ASXL3: variants seen among roughly 807,000 people sequenced by gnomAD.
ASXL3 encodes the protein ASXL transcriptional regulator 3.
ASXL3 carries 34 observed loss-of-function variants against 170.6 expected under a neutral mutation model. The observed-to-expected ratio is 0.20, with a 90% CI of 0.15 to 0.27. The LOEUF (loss-of-function observed/expected upper bound fraction) is 0.27. Ranked by LOEUF, ASXL3 falls within the 10% of genes least tolerant of loss-of-function variation. The pLI is 1.00. For synonymous variants in ASXL3, 1,002 were observed against 989.1 expected, an observed-to-expected ratio of 1.01 and a Z score of -0.24; for missense variants, 2,592 against 2,695.3, an observed-to-expected ratio of 0.96 and a Z score of 0.85.
chr18:33,722,688 T>C (rs900837337), intron 8 of ASXL3, among the ~76,000 whole-genome samples: 2 of 152,162 alleles, frequency 1.3e-5, no homozygotes, highest in African/African-American at 4.8e-5. Flanking sequence ...CAGCAAGTTA[T>C]TCAGAAGACC....
intron 7 of ASXL3, among the ~76,000 whole-genome samples, chr18:33,674,049 G>A (rs10048235): frequency 0.58 from 87,611 of 152,028 alleles, 25,916 homozygotes; most frequent in East Asian, 0.89. Flanking sequence ...TTTTACTTCA[G>A]TTTTGTACAG....
chr18:33,683,333 T>G, intron 7 of ASXL3, 72 bp from the exon 8 acceptor site: 1 of 1,295,214 alleles, frequency 7.7e-7, no homozygotes. Context: ...TATGTGGCTG[T>G]GTTTGTGTGT....
At chr18:33,667,926 A>G (rs2145247639) in intron 5 of ASXL3, among the ~76,000 whole-genome samples, 1 of 152,352 alleles carries the variant, frequency 6.6e-6, no homozygotes, top group African/African-American at 2.4e-5. Context: ...AGGATAAGTT[A>G]TATAAATAAC....
At chr18:33,594,720 T>C (rs1279787904) in intron 1 of ASXL3, among the ~76,000 whole-genome samples, 1 of 152,096 alleles carries the variant, frequency 6.6e-6, no homozygotes, top group African/African-American at 2.4e-5. Context: ...ATATTTGCCC[T>C]GAATTCGTTT....
intron 8 of ASXL3, among the ~76,000 whole-genome samples, chr18:33,717,915 C>G (rs2067191941): frequency 6.6e-6 from 1 of 152,082 alleles, no homozygotes. Context: ...GGTTGTGTAA[C>G]AGTAACGTAA....
At position 33,746,181 on chromosome 18, in the gene ASXL3, G is replaced by C; in HGVS notation, c.6333G>C (p.Gln2111His). 1 of 1,613,868 alleles carries C rather than the reference G, an allele frequency of 6.2e-7. No homozygotes were observed. Among genetic ancestry groups the C allele is most frequent in the Non-Finnish European group, 8.5e-7 (1 of 1,179,888 alleles). Reference sequence around the variant, plus strand: ...ATGACCAGAATGAAATGAAAGAACAGTTAAAAGCATTCGCGCTAAAAAGTG... The same window carrying C: ...ATGACCAGAATGAAATGAAAGAACACTTAAAAGCATTCGCGCTAAAAAGTG... ...VSYDQNEMKE[Q>H]LKAFALKSAD... is the part of the protein sequence containing the mutation. Residue 2111 changes from glutamine (Q) to histidine (H), a missense_variant, in exon 12 of 12, where the codon CAG (glutamine) becomes CAC (histidine). Physicochemically the swap from Gln to His is conservative, Grantham distance 24. Around this residue, in one of 4 missense-constraint regions of ASXL3, gnomAD observed 2,246 missense variants for 2,219.6 expected, o/e 1.01. Coordinates refer to ENST00000269197, the MANE Select transcript of ASXL3 (RefSeq NM_030632.3).
At chr18:33,595,088 T>G (rs2065113609) in intron 1 of ASXL3, among the ~76,000 whole-genome samples, 1 of 152,182 alleles carries the variant, frequency 6.6e-6, no homozygotes, top group Non-Finnish European at 1.5e-5. Context: ...GGATACCTGC[T>G]TCATATTTTT....
chr18:33,579,814 G>A (rs577899200), intron 1 of ASXL3, among the ~76,000 whole-genome samples: 35 of 152,204 alleles, frequency 2.3e-4, no homozygotes, highest in Admixed American at 1.2e-3. Flanking sequence ...TGCATGCAGC[G>A]GGGGTTTTGG....
intron 7 of ASXL3, among the ~76,000 whole-genome samples, chr18:33,675,971 A>AT (rs546654081): frequency 5.0e-3 from 766 of 152,152 alleles, no homozygotes; most frequent in Non-Finnish European, 8.0e-3. Context: ...CACACCTGTA[A>AT]TCCAGCACTT....
rs1369400043 is a variant in ASXL3 at position 33,739,948 on chromosome 18, C to T, written c.2544C>T (p.Tyr848=). The change falls in exon 11 of 12, where the codon TAC becomes TAT. Residue 848 remains tyrosine, a synonymous_variant. Coordinates refer to ENST00000269197, the MANE Select transcript of ASXL3 (RefSeq NM_030632.3). The part of the protein sequence containing the change: ...CKSHVDTEKP[Y]PASIPELAST... ...CACATGTTGACACTGAGAAGCCCTACCCTGCTTCAATTCCAGAACTTGCTT... is the reference window on the plus strand; with the variant it reads ...CACATGTTGACACTGAGAAGCCCTATCCTGCTTCAATTCCAGAACTTGCTT... The T allele has an allele frequency of 1.9e-6, 3 of 1,613,784 alleles. No homozygotes were observed. Among genetic ancestry groups the T allele is most frequent in the Non-Finnish European group, 2.5e-6 (3 of 1,179,886 alleles).
At position 33,746,783 on chromosome 18, in the gene ASXL3, C is replaced by A; in HGVS notation, c.*188C>A. 1.1e-6 allele frequency: 1 copy of A among 912,122 alleles called. No individual in the cohort carries two copies. The highest frequency in any genetic ancestry group is 1.5e-6 in the Non-Finnish European group (1 of 646,666). 56.5% of individuals were successfully genotyped at this position (912,122 alleles called of 1,614,324 possible). On this transcript the variant is annotated 3_prime_UTR_variant, in exon 12 of 12. Coordinates refer to ENST00000269197, the MANE Select transcript of ASXL3 (RefSeq NM_030632.3). ...GGGAGGATGCATCCCAACTGAATGG[C>A]TCACTGGCATGTCTTTTATGTGTTC...
At chr18:33,660,459 T>C (rs1262567405) in intron 4 of ASXL3, among the ~76,000 whole-genome samples, 1 of 152,156 alleles carries the variant, frequency 6.6e-6, no homozygotes, top group African/African-American at 2.4e-5. Flanking sequence ...GTGCTTCCTT[T>C]GTTACTACAA....
chr18:33,696,126 C>A (rs1227043107), intron 8 of ASXL3, among the ~76,000 whole-genome samples: 2 of 151,876 alleles, frequency 1.3e-5, no homozygotes, highest in Admixed American at 1.3e-4. Flanking sequence ...AGTGAGTCTC[C>A]CCTAAATTAG....
At chr18:33,704,066 A>T (rs1228360472) in intron 8 of ASXL3, among the ~76,000 whole-genome samples, 1 of 152,128 alleles carries the variant, frequency 6.6e-6, no homozygotes, top group Non-Finnish European at 1.5e-5. Flanking sequence ...GGCATTTGTT[A>T]AATAAACTGC....
chr18:33,649,295 A>G (rs1463462225), intron 4 of ASXL3, among the ~76,000 whole-genome samples: 1 of 152,034 alleles, frequency 6.6e-6, no homozygotes, highest in East Asian at 1.9e-4. Context: ...GCTCTAAAGG[A>G]GGCAGTAGGA....
intron 2 of ASXL3, among the ~76,000 whole-genome samples, chr18:33,643,934 G>A (rs192604299): frequency 1.4e-3 from 220 of 151,744 alleles, no homozygotes; most frequent in Non-Finnish European, 1.4e-3. Flanking sequence ...TTGATATTTC[G>A]GCATATTAGG....
chr18:33,711,643 G>A (rs2067065256), intron 8 of ASXL3, among the ~76,000 whole-genome samples: 1 of 152,100 alleles, frequency 6.6e-6, no homozygotes, highest in South Asian at 2.1e-4. Flanking sequence ...TTTATCATTT[G>A]AATAAATTAG....
Position 33,744,134 on chromosome 18 carries a change from C to T in ASXL3, c.4286C>T (p.Pro1429Leu), listed in dbSNP as rs552739752. ...CTGACAATAAACTCTTATGATAGTC[C>T]TCCCAAGTTAAGTGCTGAAAGCTTG... ...NMLTINSYDS[P>L]PKLSAESLDK... The change falls in exon 12 of 12, where the codon CCT (proline) becomes CTT (leucine). Residue 1429 changes from proline to leucine, a missense_variant. Coordinates refer to ENST00000269197, the MANE Select transcript of ASXL3 (RefSeq NM_030632.3). The T allele has an allele frequency of 1.9e-6, 3 of 1,614,034 alleles. No individual in the cohort carries two copies. The highest frequency in any genetic ancestry group is 1.1e-5 in the South Asian group (1 of 91,088).
intron 8 of ASXL3, among the ~76,000 whole-genome samples, chr18:33,705,320 T>C (rs1216023574): frequency 6.6e-6 from 1 of 151,202 alleles, no homozygotes; most frequent in Non-Finnish European, 1.5e-5. Flanking sequence ...ACCAACTTTA[T>C]ATAGACCCAT....
Sources: allele counts gnomAD v4.1 joint callset (sites outside exome capture counted in the v4.1 genomes callset), GRCh38; gene constraint gnomAD v4.1.1; regional missense constraint gnomAD v4.1.1; transcripts MANE v1.5; gene names NCBI Gene and HGNC (gene_info 2026-07-23, HGNC 2026-07-21).